GNA14: variants seen among roughly 807,000 people sequenced by gnomAD.
GNA14 encodes the protein guanine nucleotide-binding protein subunit alpha-14.
Under a neutral mutation model 42.0 loss-of-function variants are expected in GNA14, and 50 were observed. The ratio of observed to expected loss-of-function variants is 1.19; its 90% confidence interval spans 0.95 to 1.51. The LOEUF (loss-of-function observed/expected upper bound fraction) is 1.51. Ranked by LOEUF, GNA14 falls within the 40% of genes most tolerant of loss-of-function variation. GNA14 has a pLI of 0.00. For missense variants in GNA14, 473 were observed against 446.2 expected (o/e 1.06, Z -0.54); for synonymous variants, 173 against 163.1 (o/e 1.06, Z -0.46).
At chr9:77,429,141 T>TA (rs1351870505) in intron 4 of GNA14, 105 bp from the exon 5 acceptor site, 2 of 1,031,386 alleles carry the variant, frequency 1.9e-6, no homozygotes, top group African/African-American at 3.2e-5. Context: ...GAGTCCTCAG[T>TA]AATTTCTAAG....
chr9:77,486,220 C>T (rs934166085), intron 2 of GNA14, among the ~76,000 whole-genome samples: 1 of 152,208 alleles, frequency 6.6e-6, no homozygotes, highest in African/African-American at 2.4e-5. Flanking sequence ...TCACCTTGCA[C>T]TGTTATGTTA....
chr9:77,603,970 A>C lies in GNA14; in HGVS notation c.124+43700T>G, dbSNP rs905156510. 7.1e-3 allele frequency among the ~76,000 whole-genome samples: 1,069 copies of C among 150,018 alleles called. 6 individuals carry two copies. The highest frequency in any genetic ancestry group is 0.014 in the African/African-American group (572 of 40,874). On this transcript the variant is annotated intron_variant, in intron 1 of 6. Transcript: ENST00000341700. ...AAAAAAAAAAACAAAAAAAAAAAAA[A>C]AAAAAAAAAAACACCTCTGAGAAAA... is the stretch of plus-strand genomic sequence containing the variant.
At chr9:77,591,975 C>T (rs7467744) in intron 1 of GNA14, among the ~76,000 whole-genome samples, 423 of 147,706 alleles carry the variant, frequency 2.9e-3, no homozygotes, top group Non-Finnish European at 4.5e-3. Context: ...AGTGCAGTGG[C>T]GCGATCTCAG....
At chr9:77,562,375 C>A (rs1822898114) in intron 1 of GNA14, among the ~76,000 whole-genome samples, 1 of 152,032 alleles carries the variant, frequency 6.6e-6, no homozygotes, top group African/African-American at 2.4e-5. Context: ...TTGGAGAACA[C>A]TTACAGGGAC....
intron 1 of GNA14, among the ~76,000 whole-genome samples, chr9:77,547,128 G>C (rs1267180856): frequency 6.6e-6 from 1 of 152,158 alleles, no homozygotes; most frequent in African/African-American, 2.4e-5. Context: ...GTGGGAGTTA[G>C]ATGTGTTTCT....
At chr9:77,500,868 T>C (rs1395963307) in intron 2 of GNA14, among the ~76,000 whole-genome samples, 1 of 152,226 alleles carries the variant, frequency 6.6e-6, no homozygotes, top group Non-Finnish European at 1.5e-5. Flanking sequence ...AAAGTGGCTA[T>C]AAACATTTGT....
At chr9:77,472,765 A>T (rs1587783058) in intron 2 of GNA14, among the ~76,000 whole-genome samples, 1 of 150,666 alleles carries the variant, frequency 6.6e-6, no homozygotes. Flanking sequence ...TAGTTTCCTT[A>T]TAAGAGGAAG....
At chr9:77,430,869 A>G (rs1564011595) in intron 4 of GNA14, among the ~76,000 whole-genome samples, 9 of 152,184 alleles carry the variant, frequency 5.9e-5, no homozygotes. Context: ...TGTACATATT[A>G]TTCTTCACAG....
At chr9:77,435,205 A>G (rs146726661) in intron 2 of GNA14, among the ~76,000 whole-genome samples, 3,255 of 152,148 alleles carry the variant, frequency 0.021, 66 homozygotes, top group Middle Eastern at 0.051. Context: ...AAAAACACAA[A>G]AATTAGCTGG....
chr9:77,478,030 CTT>C (rs11455779), intron 2 of GNA14, among the ~76,000 whole-genome samples: 1 of 146,890 alleles, frequency 6.8e-6, no homozygotes, highest in Admixed American at 6.8e-5. Context: ...TTAAAGGTGT[CTT>C]TTTTTTTTTT....
chr9:77,631,272 G>A (rs1824095949), intron 1 of GNA14, among the ~76,000 whole-genome samples: 1 of 152,030 alleles, frequency 6.6e-6, no homozygotes, highest in African/African-American at 2.4e-5. Flanking sequence ...TTCCTTTTCA[G>A]GTCATCACTC....
chr9:77,478,083 T>A (rs1375654948), intron 2 of GNA14, among the ~76,000 whole-genome samples: 2 of 151,582 alleles, frequency 1.3e-5, no homozygotes, highest in African/African-American at 2.4e-5. Context: ...ATGTGCAGGG[T>A]TTTTACATAT....
At chr9:77,542,760 C>T (rs1441688864) in intron 1 of GNA14, among the ~76,000 whole-genome samples, 1 of 152,182 alleles carries the variant, frequency 6.6e-6, no homozygotes, top group Admixed American at 6.5e-5. Context: ...GTTGGGTGAG[C>T]CCAACCTCAG....
chr9:77,485,212 T>C (rs1406608718), intron 2 of GNA14, among the ~76,000 whole-genome samples: 1 of 152,234 alleles, frequency 6.6e-6, no homozygotes, highest in Non-Finnish European at 1.5e-5. Context: ...AAATCTTTTG[T>C]TGTCATTTCA....
intron 1 of GNA14, among the ~76,000 whole-genome samples, chr9:77,539,510 T>C (rs1399408834): frequency 1.3e-5 from 2 of 152,242 alleles, no homozygotes; most frequent in Non-Finnish European, 2.9e-5. Context: ...ATCAGGGTAA[T>C]GCTGACCTTG....
intron 1 of GNA14, among the ~76,000 whole-genome samples, chr9:77,601,348 TGAAA>T (rs567657864): frequency 7.2e-5 from 11 of 152,160 alleles, no homozygotes; most frequent in South Asian, 2.1e-4. Flanking sequence ...GAAAGAGAAG[TGAAA>T]GAAAGAATCT....
chr9:77,544,323 G>GA (rs1837693994), intron 1 of GNA14, among the ~76,000 whole-genome samples: 4 of 151,550 alleles, frequency 2.6e-5, no homozygotes, highest in South Asian at 2.1e-4. Flanking sequence ...AAGTATAAAG[G>GA]AAAAAAAATC....
chr9:77,580,656 T>C (rs1042064212), intron 1 of GNA14: 3 of 349,264 alleles, frequency 8.6e-6, no homozygotes, highest in South Asian at 7.0e-5. Context: ...ACTCACACTG[T>C]TTCCTCCTCA....
rs185045114 is a variant in GNA14 at position 77,544,072 on chromosome 9, A to G, written c.125-14819T>C. Among the ~76,000 whole-genome samples, 33 of 152,338 alleles carry G rather than the reference A, an allele frequency of 2.2e-4. 1 individual carries two copies. In the East Asian group the frequency reaches 5.6e-3, roughly 26 times the overall value. On this transcript the variant is annotated intron_variant, in intron 1 of 6. Transcript: ENST00000341700. ...TTAGGAAATGATTGGCATTGATTTA[A>G]TCTTCTGTATGTAGTCACATAATCT...
Sources: gnomAD v4.1 joint callset for allele counts (sites outside exome capture counted in the v4.1 genomes callset) on GRCh38, gnomAD v4.1.1 for gene constraint, MANE v1.5 for transcripts, NCBI Gene and HGNC (gene_info 2026-07-23, HGNC 2026-07-21) for gene names.